The following BCAR3 variants were observed in gnomAD, a reference collection of about 807,000 sequenced individuals.
BCAR3 encodes BCAR3 adaptor protein, NSP family member.
Under a neutral mutation model 80.1 loss-of-function variants are expected in BCAR3, and 37 were observed. The observed-to-expected ratio is 0.46, with a 90% CI of 0.36 to 0.61. BCAR3 has a LOEUF of 0.61. Among genes scored for constraint, BCAR3 ranks in the 20% least tolerant of loss-of-function variants. The pLI, the probability that BCAR3 is intolerant of heterozygous loss-of-function variation, is 0.00. For missense variants in BCAR3, 978 were observed against 1,068.2 expected (o/e 0.92, Z 1.18); for synonymous variants, 389 against 418.9 (o/e 0.93, Z 0.87).
intron 2 of BCAR3, among the ~76,000 whole-genome samples, chr1:93,827,472 C>T (rs1174844207): frequency 1.3e-5 from 2 of 152,098 alleles, no homozygotes; most frequent in Non-Finnish European, 2.9e-5. Context: ...TCCGAGAGGG[C>T]TGTCTCAGCT....
intron 3 of BCAR3, among the ~76,000 whole-genome samples, chr1:93,617,192 G>A (rs1259901293): frequency 6.6e-6 from 1 of 152,190 alleles, no homozygotes; most frequent in African/African-American, 2.4e-5. Context: ...GCTGAGAAGG[G>A]CCAAGAGAGT....
intron 3 of BCAR3, among the ~76,000 whole-genome samples, chr1:93,635,287 ACTACTTTTTT>A (rs1169306418): frequency 2.0e-5 from 3 of 152,094 alleles, no homozygotes; most frequent in Admixed American, 1.3e-4. Flanking sequence ...ATATGGGTGT[ACTACTTTTTT>A]CCAGTTGAAG....
intron 3 of BCAR3, among the ~76,000 whole-genome samples, chr1:93,609,408 T>C (rs1346825018): frequency 6.6e-6 from 1 of 152,112 alleles, no homozygotes. Flanking sequence ...CCCCAACCTC[T>C]CTATCTGCGC....
intron 3 of BCAR3, among the ~76,000 whole-genome samples, chr1:93,697,305 C>T (rs994125400): frequency 1.5e-4 from 23 of 152,238 alleles, no homozygotes; most frequent in Admixed American, 5.2e-4. Flanking sequence ...ATTTGTGTAA[C>T]CCAGTTGTGA....
intron 3 of BCAR3, among the ~76,000 whole-genome samples, chr1:93,636,296 A>G (rs1675778287): frequency 6.6e-6 from 1 of 152,196 alleles, no homozygotes; most frequent in Admixed American, 6.5e-5. Flanking sequence ...TCTTCTCCTA[A>G]CCTGCGCAAC....
At chr1:93,717,589 A>G (rs554308992) in intron 2 of BCAR3, among the ~76,000 whole-genome samples, 4 of 152,024 alleles carry the variant, frequency 2.6e-5, no homozygotes, top group African/African-American at 7.2e-5. Flanking sequence ...TTAGCTGGGC[A>G]TGGTGGCATG....
chr1:93,650,545 A>C (rs1297241753), intron 2 of BCAR3, among the ~76,000 whole-genome samples: 2 of 152,142 alleles, frequency 1.3e-5, no homozygotes, highest in African/African-American at 4.8e-5. Context: ...CAACCTCTCT[A>C]TGCCTCAGTT....
At chr1:93,714,657 G>A (rs1650135865) in intron 2 of BCAR3, among the ~76,000 whole-genome samples, 1 of 151,790 alleles carries the variant, frequency 6.6e-6, no homozygotes, top group Admixed American at 6.6e-5. Flanking sequence ...CCAGTGTGAA[G>A]GGATAAAAAT....
At chr1:93,777,354 T>C in intron 2 of BCAR3, among the ~76,000 whole-genome samples, 1 of 146,784 alleles carries the variant, frequency 6.8e-6, no homozygotes. Flanking sequence ...TGCTTTCTTC[T>C]TCCTCCTCTT....
intron 9 of BCAR3, chr1:93,568,065 A>C (rs1435517180): frequency 1.1e-5 from 5 of 438,422 alleles, no homozygotes; most frequent in Non-Finnish European, 2.1e-5. Flanking sequence ...GTGTGCCTGT[A>C]ATCCCAGCTA....
At chr1:93,748,164 C>G (rs1651423033) in intron 2 of BCAR3, among the ~76,000 whole-genome samples, 1 of 152,184 alleles carries the variant, frequency 6.6e-6, no homozygotes, top group African/African-American at 2.4e-5. Flanking sequence ...AGGTACTGAG[C>G]TAGGTGCTGG....
chr1:93,682,001 TATCTCC>T (rs1648804075), upstream of BCAR3, among the ~76,000 whole-genome samples: 1 of 152,120 alleles, frequency 6.6e-6, no homozygotes, highest in Non-Finnish European at 1.5e-5. Context: ...GCTCTCTTCG[TATCTCC>T]CCAAGGAGCC....
intron 9 of BCAR3, among the ~76,000 whole-genome samples, chr1:93,569,239 A>C (rs2101803675): frequency 6.6e-6 from 1 of 152,322 alleles, no homozygotes; most frequent in South Asian, 2.1e-4. Context: ...CCTTTAAGAC[A>C]GGTATTTTGG....
At chr1:93,757,871 C>T (rs1651799898) in intron 2 of BCAR3, among the ~76,000 whole-genome samples, 1 of 152,198 alleles carries the variant, frequency 6.6e-6, no homozygotes, top group South Asian at 2.1e-4. Flanking sequence ...AATTTACATG[C>T]AAATGTGCTC....
At chr1:93,740,955 T>A (rs1412405780) in intron 2 of BCAR3, among the ~76,000 whole-genome samples, 2 of 152,182 alleles carry the variant, frequency 1.3e-5, no homozygotes, top group South Asian at 2.1e-4. Flanking sequence ...GACTTCCATA[T>A]CCTCTGCAAC....
At chr1:93,737,808 A>T (rs2100692124) in intron 2 of BCAR3, among the ~76,000 whole-genome samples, 1 of 152,254 alleles carries the variant, frequency 6.6e-6, no homozygotes, top group South Asian at 2.1e-4. Context: ...GTCAATGATG[A>T]AACTGTGCAA....
chr1:93,642,428 C>G (rs1049326427), intron 2 of BCAR3, 85 bp from the exon 3 acceptor site: 1 of 1,335,252 alleles, frequency 7.5e-7, no homozygotes, highest in African/African-American at 1.4e-5. Context: ...TTATTTCACC[C>G]TATTCACTAA....
intron 2 of BCAR3, among the ~76,000 whole-genome samples, chr1:93,778,379 A>T (rs969158073): frequency 6.6e-6 from 1 of 152,224 alleles, no homozygotes; most frequent in Non-Finnish European, 1.5e-5. Flanking sequence ...TTATATTTGC[A>T]TCTCTTATGG....
chr1:93,719,082 G>A (rs1650292380), intron 2 of BCAR3, among the ~76,000 whole-genome samples: 1 of 151,996 alleles, frequency 6.6e-6, no homozygotes, highest in Admixed American at 6.6e-5. Flanking sequence ...ACCACCAATA[G>A]AGTTGCAGGT....
Sources: gnomAD v4.1 joint callset for allele counts (sites outside exome capture counted in the v4.1 genomes callset) on GRCh38, gnomAD v4.1.1 for gene constraint, MANE v1.5 for transcripts, NCBI Gene and HGNC (gene_info 2026-07-23, HGNC 2026-07-21) for gene names.